PTPRA: variants seen among roughly 807,000 people sequenced by gnomAD.
PTPRA encodes the protein receptor-type tyrosine-protein phosphatase alpha.
PTPRA carries 25 observed loss-of-function variants against 104.8 expected under a neutral mutation model. That is an observed-to-expected ratio of 0.24 (90% CI 0.17 to 0.33). The LOEUF is 0.33. PTPRA is among the 10% of genes least tolerant of loss of function. The pLI is 1.00. For synonymous variants in PTPRA, 323 were observed against 368.9 expected (o/e 0.88, Z 1.43); for missense variants, 765 against 1,015.3 (o/e 0.75, Z 3.35).
rs778359601 is a variant in PTPRA, at chr20:3,018,201, G to T, written c.1041+288G>T. ...TCAGCTAAGGAAAAGCCACAGAGGGGTTTTTTTTGTTGTTGTTTTGTTTTG... is the reference window on the plus strand; with the variant it reads ...TCAGCTAAGGAAAAGCCACAGAGGGTTTTTTTTTGTTGTTGTTTTGTTTTG... On this transcript the variant is annotated intron_variant, in intron 13 of 23. Transcript: ENST00000399903. 2.5e-3 allele frequency among the ~76,000 whole-genome samples: 375 copies of T among 152,054 alleles called. 4 individuals carry two copies. The highest frequency in any genetic ancestry group is 0.017 in the Middle Eastern group (5 of 294).
At chr20:3,023,449 G>A (rs1000533570) in intron 16 of PTPRA, among the ~76,000 whole-genome samples, 1 of 152,218 alleles carries the variant, frequency 6.6e-6, no homozygotes, top group African/African-American at 2.4e-5. Context: ...AAACCCGATC[G>A]TACATTCTAT....
chr20:3,037,247 C>T lies in PTPRA; in HGVS notation c.2292C>T (p.Val764=). 5 of 1,614,230 alleles carry T rather than the reference C, an allele frequency of 3.1e-6. No homozygotes were observed. Among genetic ancestry groups the T allele is most frequent in the Non-Finnish European group, 4.2e-6 (5 of 1,180,044 alleles). ...GGATTTTGGATGTCTTCCAGACTGT[C>T]AAGAGCCTGCGGCTACAGAGGCCAC... is the stretch of plus-strand genomic sequence containing the variant. The part of the protein sequence containing the change: ...AEGILDVFQT[V]KSLRLQRPHM... Residue 764 remains valine (V), a synonymous_variant, in exon 23 of 24, where the codon GTC becomes GTT. Coordinates refer to ENST00000399903, the MANE Select transcript of PTPRA (RefSeq NM_001385305.1). The surrounding 1 kb of genome is among the most constrained non-coding windows in gnomAD (Gnocchi z 4.3).
At chr20:2,922,691 G>T (rs1261885641) in intron 1 of PTPRA, among the ~76,000 whole-genome samples, 1 of 151,122 alleles carries the variant, frequency 6.6e-6, no homozygotes, top group East Asian at 1.9e-4. Flanking sequence ...GAGCTGGAGT[G>T]CAGTGGCGCG....
At chr20:3,031,342 A>T (rs2065444744) in intron 20 of PTPRA, among the ~76,000 whole-genome samples, 1 of 151,734 alleles carries the variant, frequency 6.6e-6, no homozygotes, top group Non-Finnish European at 1.5e-5. Context: ...CCGTAACGTG[A>T]ACACACAAAT....
At chr20:2,917,856 C>G (rs140088939) in intron 1 of PTPRA, among the ~76,000 whole-genome samples, 1 of 151,528 alleles carries the variant, frequency 6.6e-6, no homozygotes, top group Non-Finnish European at 1.5e-5. Context: ...TTTTGGAGAC[C>G]GAGGCGGGTG....
intron 1 of PTPRA, among the ~76,000 whole-genome samples, chr20:2,875,063 G>A (rs2146734846): frequency 6.6e-6 from 1 of 152,242 alleles, no homozygotes; most frequent in African/African-American, 2.4e-5. Flanking sequence ...ATCTCCCGTG[G>A]TGGGAGAATC....
chr20:2,910,578 G>C (rs1361715120), intron 1 of PTPRA, among the ~76,000 whole-genome samples: 1 of 32,428 alleles, frequency 3.1e-5, no homozygotes, highest in Non-Finnish European at 5.2e-5. Flanking sequence ...TGCCCAGCTA[G>C]TTTTTTTTTT....
chr20:3,000,314 G>A (rs1479986148), intron 9 of PTPRA, among the ~76,000 whole-genome samples: 4 of 151,984 alleles, frequency 2.6e-5, no homozygotes, highest in Admixed American at 2.6e-4. Context: ...TAGGACAACG[G>A]GGAAACCACT....
chr20:3,030,698 TTTTTTG>T (rs2065401903), intron 20 of PTPRA, among the ~76,000 whole-genome samples: 1 of 141,700 alleles, frequency 7.1e-6, no homozygotes, highest in African/African-American at 2.7e-5. Context: ...TTTTTTTTTT[TTTTTTG>T]AGATGGAGTC....
the PTPRA span, chr20:2,866,122 A>G: frequency 9.1e-7 from 1 of 1,093,518 alleles, no homozygotes; most frequent in East Asian, 2.5e-5. Flanking sequence ...ATATATATGG[A>G]CGATGTATGC....
the PTPRA span, chr20:2,865,209 G>A: frequency 9.3e-6 from 15 of 1,614,168 alleles, no homozygotes; most frequent in Middle Eastern, 3.3e-4. The surrounding 1 kb of genome is among the most constrained non-coding windows in gnomAD (Gnocchi z 5.2). Context: ...GAGCTGGGGG[G>A]CCAGTTCCTA....
chr20:2,993,352 G>A (rs1045083513), intron 9 of PTPRA, among the ~76,000 whole-genome samples: 2 of 152,192 alleles, frequency 1.3e-5, no homozygotes, highest in South Asian at 2.1e-4. Context: ...GTATTTTTAT[G>A]TCTGACATGT....
At position 3,024,489 on chromosome 20, in the gene PTPRA, A is replaced by G. The variant is rs780919967; in HGVS notation, c.1482A>G (p.Ile494Met). The G allele has an allele frequency of 6.2e-7, 1 of 1,613,848 alleles. No individual in the cohort carries two copies. The highest frequency in any genetic ancestry group is 1.7e-5 in the Admixed American group (1 of 60,012). ...MVQTDMQYVFIYQALLEHYLY... is the reference protein window; with the variant it reads ...MVQTDMQYVFMYQALLEHYLY... ...TGTTTCAGATGCAGTATGTCTTCAT[A>G]TACCAAGCCCTTCTGGAGCATTATC... The change falls in exon 17 of 24, where the codon ATA becomes ATG. Residue 494 changes from isoleucine (I) to methionine (M), a missense_variant. Around this residue, in one of 4 missense-constraint regions of PTPRA, gnomAD observed 245 missense variants for 398.7 expected, o/e 0.61. Transcript: ENST00000399903.
intron 2 of PTPRA, among the ~76,000 whole-genome samples, chr20:2,945,860 T>C (rs1348422427): frequency 6.6e-6 from 1 of 151,130 alleles, no homozygotes; most frequent in African/African-American, 2.4e-5. Context: ...GCCCGGGAGG[T>C]AGAGGTTGCA....
chr20:3,016,248 C>T lies in PTPRA; in HGVS notation c.943+363C>T, dbSNP rs538652423. Among the ~76,000 whole-genome samples the T allele has an allele frequency of 1.2e-4, 19 of 152,296 alleles. 1 individual carries two copies. The highest frequency in any genetic ancestry group is 1.0e-3 in the Admixed American group (16 of 15,294). On this transcript the variant is annotated intron_variant, in intron 12 of 23. Coordinates refer to ENST00000399903, the MANE Select transcript of PTPRA (RefSeq NM_001385305.1). ...GAATCAGTTTCCAGAGAGGATCAGC[C>T]ACCTCACAGGGTCCAGGCTGGTTCT...
intron 10 of PTPRA, among the ~76,000 whole-genome samples, chr20:3,007,024 T>C (rs568819235): frequency 6.6e-6 from 1 of 152,324 alleles, no homozygotes; most frequent in East Asian, 1.9e-4. Flanking sequence ...TTTTTTAATA[T>C]GATTGGTATA....
At chr20:2,865,026 T>C in the PTPRA span, 2 of 1,614,182 alleles carry the variant, frequency 1.2e-6, no homozygotes, top group Non-Finnish European at 1.7e-6. This position sits in a 1 kb window ranked among gnomAD's most constrained non-coding sequence, Gnocchi z 5.2. Flanking sequence ...CGATGCCTTC[T>C]ACAAGGCCAA....
At chr20:2,983,497 G>T (rs1041261581) in intron 6 of PTPRA, among the ~76,000 whole-genome samples, 8 of 151,060 alleles carry the variant, frequency 5.3e-5, no homozygotes, top group Non-Finnish European at 4.4e-5. Flanking sequence ...ATTGGCAGGG[G>T]CAGAGGCTTA....
chr20:3,036,612 G>A (rs1328728847), intron 22 of PTPRA, among the ~76,000 whole-genome samples: 1 of 152,220 alleles, frequency 6.6e-6, no homozygotes, highest in African/African-American at 2.4e-5. Context: ...CTTCTTGTCT[G>A]GGGACATTGC....
Sources: allele counts gnomAD v4.1 joint callset (sites outside exome capture counted in the v4.1 genomes callset), GRCh38; gene constraint gnomAD v4.1.1; regional missense constraint gnomAD v4.1.1; non-coding constraint Gnocchi (gnomAD v3.1); transcripts MANE v1.5; gene names NCBI Gene and HGNC (gene_info 2026-07-23, HGNC 2026-07-21).